The following MELTF variants were observed in gnomAD, a reference collection of about 807,000 sequenced individuals.
The protein encoded by MELTF is melanotransferrin.
In MELTF, 67 loss-of-function variants were observed where a neutral mutation model predicts 83.7. The ratio of observed to expected loss-of-function variants is 0.80; its 90% CI spans 0.66 to 0.98. The LOEUF (loss-of-function observed/expected upper bound fraction) is 0.98. Among genes scored for constraint, MELTF ranks in the 50% least tolerant of loss-of-function variants. The pLI, the probability that MELTF is intolerant of heterozygous loss-of-function variation, is 0.00. For synonymous variants in MELTF, 462 were observed against 447.6 expected (o/e 1.03, Z -0.41); for missense variants, 1,002 against 1,035.6 (o/e 0.97, Z 0.44).
rs1471691293 is a variant in MELTF, at chr3:197,010,768, C to G, written c.1260G>C (p.Leu420=). 4 of 1,613,590 alleles carry G rather than the reference C, an allele frequency of 2.5e-6. No homozygotes were observed. In the African/African-American group the frequency reaches 5.3e-5, roughly 22 times the overall value. Reference sequence around the variant, plus strand: ...CCGCCGTGTAAATGTCCTCGCCACTCAGGGTCACAGCGTCGACCTGCTCAG... The same window carrying G: ...CCGCCGTGTAAATGTCCTCGCCACTGAGGGTCACAGCGTCGACCTGCTCAG... ...IQAEQVDAVT[L]SGEDIYTAGK... Residue 420 remains leucine, a synonymous_variant, in exon 10 of 16, where the codon CTG becomes CTC. Coordinates refer to ENST00000296350, the MANE Select transcript of MELTF (RefSeq NM_005929.6).
intron 6 of MELTF, chr3:197,019,633 C>G: frequency 6.2e-7 from 1 of 1,611,430 alleles, no homozygotes; most frequent in Non-Finnish European, 8.5e-7. Context: ...ACTCTTTGCC[C>G]GTTTTCCAAA....
At position 197,008,626 on chromosome 3, in the gene MELTF, T is replaced by G; in HGVS notation, c.1750+31A>C. ...AAGATGGGGAACAGTCCCCCCGACC[T>G]ACCTTTGGCCCTGCTCTTGCCCCCA... On this transcript the variant is annotated intron_variant, in intron 13 of 15. Coordinates refer to ENST00000296350, the MANE Select transcript of MELTF (RefSeq NM_005929.6). The surrounding 1 kb of genome is among the most constrained non-coding windows in gnomAD (Gnocchi z 5.4). The G allele has an allele frequency of 6.2e-7, 1 of 1,605,636 alleles. No individual in the cohort carries two copies. Among genetic ancestry groups the G allele is most frequent in the Middle Eastern group, 1.7e-4 (1 of 6,016 alleles).
Position 197,027,891 on chromosome 3 carries a change from C to T in MELTF, c.69G>A (p.Val23=), listed in dbSNP as rs1183340011. The T allele has an allele frequency of 1.1e-5, 17 of 1,598,746 alleles. No individual in the cohort carries two copies. The highest frequency in any genetic ancestry group is 2.7e-5 in the African/African-American group (2 of 74,722). Residue 23 remains valine (V), a synonymous_variant, in exon 2 of 16, where the codon GTG becomes GTA. Transcript: ENST00000296350. ...ALRTVLGGME[V]RWCATSDPEQ... is the part of the protein sequence containing the mutation. ...CTGGGTCCGAGGTGGCGCACCACCG[C>T]ACCTCCATGCCACCGAGCACTGCGG... is the stretch of plus-strand genomic sequence containing the variant.
At chr3:197,027,034 C>T (rs1329886078) in intron 2 of MELTF, 4 of 451,850 alleles carry the variant, frequency 8.9e-6, no homozygotes, top group South Asian at 2.7e-5. Flanking sequence ...TAGCAGAAAA[C>T]GGTGCGCAGT....
chr3:197,017,240 G>T lies in MELTF; in HGVS notation c.763C>A (p.Leu255Met). Reference protein sequence around the residue: ...GQALLSQDFELLCRDGSRADV... With the variant: ...GQALLSQDFEMLCRDGSRADV... ...GCCCGGCTACCATCCCGGCACAGCAGCTCGAAGTCCTGTGACAGCAGGGCC... is the reference window on the plus strand; with the variant it reads ...GCCCGGCTACCATCCCGGCACAGCATCTCGAAGTCCTGTGACAGCAGGGCC... The change falls in exon 7 of 16, where the codon CTG becomes ATG. Residue 255 changes from leucine to methionine, a missense_variant. Leu to Met is a conservative substitution (Grantham distance 15). Coordinates refer to ENST00000296350, the MANE Select transcript of MELTF (RefSeq NM_005929.6). 1 of 1,588,404 alleles carries T rather than the reference G, an allele frequency of 6.3e-7. No individual in the cohort carries two copies. The highest frequency in any genetic ancestry group is 8.6e-7 in the Non-Finnish European group (1 of 1,168,434).
At position 197,022,752 on chromosome 3, in the gene MELTF, A is replaced by T. The variant is rs1000663341; in HGVS notation, c.644+205T>A. Among the ~76,000 whole-genome samples, 1 of 152,186 alleles carries T rather than the reference A, an allele frequency of 6.6e-6. No homozygotes were observed. The highest frequency in any genetic ancestry group is 2.4e-5 in the African/African-American group (1 of 41,432). Reference sequence around the variant, plus strand: ...TAAATATACCAAACACGTTGATTTCATGAGCAAATCCGGTTTGGCATATTC... The same window carrying T: ...TAAATATACCAAACACGTTGATTTCTTGAGCAAATCCGGTTTGGCATATTC... On this transcript the variant is annotated intron_variant, in intron 5 of 15. Transcript: ENST00000296350. The surrounding 1 kb of genome is among the most constrained non-coding windows in gnomAD (Gnocchi z 5.1).
intron 7 of MELTF, 152 bp from the exon 8 acceptor site, chr3:197,016,521 C>A: frequency 1.6e-6 from 1 of 635,816 alleles, no homozygotes; most frequent in South Asian, 2.3e-5. Flanking sequence ...GCGGCGCCTC[C>A]CCTGATCTGC....
At chr3:197,013,492 T>G (rs541539917) in intron 9 of MELTF, among the ~76,000 whole-genome samples, 1 of 152,278 alleles carries the variant, frequency 6.6e-6, no homozygotes, top group African/African-American at 2.4e-5. Context: ...CTCGAAAGCA[T>G]AGGCAACAAA....
rs190345650 is a variant in MELTF at position 197,008,145 on chromosome 3, A to G, written c.1750+512T>C. On this transcript the variant is annotated intron_variant, in intron 13 of 15. Coordinates refer to ENST00000296350, the MANE Select transcript of MELTF (RefSeq NM_005929.6). The surrounding 1 kb of genome is among the most constrained non-coding windows in gnomAD (Gnocchi z 5.4). Reference sequence around the variant, plus strand: ...AGAGCGTTCCTGAGCTCTTTGTCCCAGGCGGAGCCCAGGAAGGTGACTCCA... The same window carrying G: ...AGAGCGTTCCTGAGCTCTTTGTCCCGGGCGGAGCCCAGGAAGGTGACTCCA... 6.8e-4 allele frequency among the ~76,000 whole-genome samples: 104 copies of G among 152,320 alleles called. No individual in the cohort carries two copies. The highest frequency in any genetic ancestry group is 2.4e-3 in the African/African-American group (98 of 41,562).
At position 197,006,659 on chromosome 3, in the gene MELTF, C is replaced by T. The variant is rs375135024; in HGVS notation, c.1828G>A (p.Glu610Lys). The change falls in exon 14 of 16, where the codon GAG (glutamate) becomes AAG (lysine). Residue 610 changes from glutamate to lysine, a missense_variant. Coordinates refer to ENST00000296350, the MANE Select transcript of MELTF (RefSeq NM_005929.6). This position sits in a 1 kb window ranked among gnomAD's most constrained non-coding sequence, Gnocchi z 5.4. ...TTGCAGGCTGCAAACTGGGACACCT[C>T]GGCTCGGGCCCCGTTGGGGCACAGC... ...ELLCPNGARA[E>K]VSQFAACNLA... 175 of 1,603,570 alleles carry T rather than the reference C, an allele frequency of 1.1e-4. 1 individual carries two copies. The African/African-American group carries it at 1.8e-3, about 16-fold the overall frequency.
In MELTF at chr3:197,005,987, G is replaced by A. The variant is rs567109604; in HGVS notation, c.1938+562C>T. Among the ~76,000 whole-genome samples the A allele has an allele frequency of 2.4e-4, 37 of 151,792 alleles. 1 individual carries two copies. Among genetic ancestry groups the A allele is most frequent in the African/African-American group, 8.0e-4 (33 of 41,124 alleles). ...TGTAATCCCAGCACTTTGGGAGGCC[G>A]AGGTGGGCGGATCACGAGGTCAGGA... is the stretch of plus-strand genomic sequence containing the variant. On this transcript the variant is annotated intron_variant, in intron 14 of 15. Transcript: ENST00000296350.
intron 2 of MELTF, 116 bp from the exon 3 acceptor site, chr3:197,026,875 CCTT>C (rs747256688): frequency 5.4e-5 from 42 of 773,266 alleles, no homozygotes; most frequent in East Asian, 8.0e-5. Context: ...GCTGTGCTGT[CCTT>C]CTCATCTGTC....
At chr3:197,026,783 A>C in intron 2 of MELTF, 24 bp from the exon 3 acceptor site, 1 of 1,604,992 alleles carries the variant, frequency 6.2e-7, no homozygotes, top group Non-Finnish European at 8.5e-7. Context: ...TGGCTCAGCC[A>C]AGCCTGGCCC....
In MELTF at chr3:197,024,609, T is replaced by C. The variant is rs139173869; in HGVS notation, c.305-124A>G. ...CGGAGCACGGCTGTACACACGGATG[T>C]GTGCATAGCGTTCTCGTTACCAAGA... On this transcript the variant is annotated intron_variant, in intron 3 of 15. Transcript: ENST00000296350. This position sits in a 1 kb window ranked among gnomAD's most constrained non-coding sequence, Gnocchi z 5.3. The C allele has an allele frequency of 2.0e-3, 1,375 of 698,736 alleles. 16 individuals carry two copies. The African/African-American group carries it at 0.022, about 11-fold the overall frequency. The allele number at this position is 698,736 out of a possible 1,614,324, so 43.3% of individuals were successfully genotyped here. A position where few individuals can be genotyped will look rare whatever the true frequency, so the allele number is the denominator to read the frequency against.
intron 6 of MELTF, among the ~76,000 whole-genome samples, chr3:197,020,874 G>A (rs889167467): frequency 2.6e-5 from 4 of 152,044 alleles, no homozygotes; most frequent in African/African-American, 4.8e-5. Context: ...TCACCATGTT[G>A]GCCAGGATGG....
intron 5 of MELTF, 148 bp from the exon 6 acceptor site, chr3:197,021,619 G>A: frequency 1.4e-6 from 1 of 701,686 alleles, no homozygotes; most frequent in South Asian, 1.7e-5. Context: ...TCCCTGGCTG[G>A]TCGGCTGTGT....
rs1038062098 is a variant in MELTF at position 197,008,319 on chromosome 3, T to C, written c.1750+338A>G. Among the ~76,000 whole-genome samples the C allele has an allele frequency of 6.6e-6, 1 of 152,122 alleles. No homozygotes were observed. Among genetic ancestry groups the C allele is most frequent in the African/African-American group, 2.4e-5 (1 of 41,408 alleles). On this transcript the variant is annotated intron_variant, in intron 13 of 15. Transcript: ENST00000296350. The surrounding 1 kb of genome is among the most constrained non-coding windows in gnomAD (Gnocchi z 5.4). ...ACTCATGACCCTGTGGAGAGGCTCA[T>C]GCCACTCCCACCTCACACCTTGGCA... is the stretch of plus-strand genomic sequence containing the variant.
Position 197,010,702 on chromosome 3 carries a change from A to G in MELTF, c.1326T>C (p.Tyr442=). 5.0e-6 allele frequency: 8 copies of G among 1,612,732 alleles called. No homozygotes were observed. Among genetic ancestry groups the G allele is most frequent in the South Asian group, 1.1e-5 (1 of 91,080 alleles). ...YGLVPAAGEH[Y]APEDSSNSYY... ...GGCGGCAGGCCCTGCACTCACGGGC[A>G]TAGTGCTCCCCGGCTGCGGGAACCA... is the stretch of plus-strand genomic sequence containing the variant. The change falls in exon 10 of 16, where the codon TAT becomes TAC. Residue 442 remains tyrosine, a synonymous_variant. Coordinates refer to ENST00000296350, the MANE Select transcript of MELTF (RefSeq NM_005929.6).
intron 7 of MELTF, 100 bp from the exon 8 acceptor site, chr3:197,016,469 C>G (rs1223170267): frequency 8.9e-7 from 1 of 1,122,680 alleles, no homozygotes; most frequent in Non-Finnish European, 1.2e-6. Context: ...CGACCTCAGA[C>G]CAGGCACCCA....
Sources: gnomAD v4.1 joint callset for allele counts (sites outside exome capture counted in the v4.1 genomes callset) on GRCh38, gnomAD v4.1.1 for gene constraint, Gnocchi (gnomAD v3.1) non-coding constraint, MANE v1.5 for transcripts, NCBI Gene and HGNC (gene_info 2026-07-23, HGNC 2026-07-21) for gene names.